KLHL22: variants seen among roughly 807,000 people sequenced by gnomAD.
KLHL22 encodes the protein kelch like family member 22, also known as kelch-like protein 22.
In KLHL22, 18 loss-of-function variants were observed where a neutral mutation model predicts 60.7. The ratio of observed to expected loss-of-function variants is 0.30; its 90% CI spans 0.20 to 0.44. The LOEUF is 0.44. KLHL22 is among the 20% of genes least tolerant of loss of function. KLHL22 has a pLI of 1.00. For synonymous variants in KLHL22, 355 were observed against 354.5 expected (o/e 1.00, Z -0.01); for missense variants, 596 against 852.3 (o/e 0.70, Z 3.74).
At chr22:20,460,650 C>T (rs192682105) in intron 4 of KLHL22, among the ~76,000 whole-genome samples, 2,445 of 111,488 alleles carry the variant, frequency 0.022, 111 homozygotes, top group African/African-American at 0.075. Context: ...AAAAAAAAGA[C>T]ACCAACAGTG....
chr22:20,442,315 T>C lies in KLHL22; in HGVS notation c.1663A>G (p.Asn555Asp). Residue 555 changes from asparagine to aspartate, a missense_variant, in exon 7 of 7, where the codon AAC becomes GAC. Transcript: ENST00000328879. Reference protein sequence around the residue: ...RIYVLGGRSHNRGSRTGYVHI... With the variant: ...RIYVLGGRSHDRGSRTGYVHI... ...ACGTAGCCTGTGCGGCTGCCGCGGTTGTGTGAGCGGCCACCTAACACATAG... is the reference window on the plus strand; with the variant it reads ...ACGTAGCCTGTGCGGCTGCCGCGGTCGTGTGAGCGGCCACCTAACACATAG... 6.2e-7 allele frequency: 1 copy of C among 1,613,922 alleles called. No individual in the cohort carries two copies. The highest frequency in any genetic ancestry group is 8.5e-7 in the Non-Finnish European group (1 of 1,179,994).
At position 20,441,879 on chromosome 22, in the gene KLHL22, G is replaced by A; in HGVS notation, c.*194C>T. 2.2e-6 allele frequency: 1 copy of A among 460,260 alleles called. No homozygotes were observed. The highest frequency in any genetic ancestry group is 3.4e-5 in the East Asian group (1 of 29,020). The allele number at this position is 460,260 out of a possible 1,614,324, so 28.5% of individuals were successfully genotyped here. ...CTGCAGTGACGTAATCCACAGCCTG[G>A]GATCTGCATGGCCCTGAGATGCCTG... On this transcript the variant is annotated 3_prime_UTR_variant, in exon 7 of 7. Coordinates refer to ENST00000328879, the MANE Select transcript of KLHL22 (RefSeq NM_032775.4).
intron 5 of KLHL22, chr22:20,451,657 G>A: frequency 6.2e-7 from 1 of 1,606,104 alleles, no homozygotes. Flanking sequence ...ATGCTATGTA[G>A]GGGCCACAGT....
chr22:20,446,378 C>G (rs944672913), intron 6 of KLHL22, 65 bp downstream of exon 6: 44 of 925,516 alleles, frequency 4.8e-5, no homozygotes, highest in Non-Finnish European at 6.9e-5. Flanking sequence ...ATTACATTTT[C>G]CATCAATAAC....
intron 5 of KLHL22, among the ~76,000 whole-genome samples, chr22:20,447,162 A>C (rs1233102773): frequency 2.0e-5 from 3 of 152,164 alleles, no homozygotes; most frequent in Non-Finnish European, 2.9e-5. Context: ...AGAAAAATAC[A>C]CATGGTTCTT....
At chr22:20,477,416 C>T (rs1364322761) in intron 2 of KLHL22, among the ~76,000 whole-genome samples, 1 of 151,892 alleles carries the variant, frequency 6.6e-6, no homozygotes, top group African/African-American at 2.4e-5. Context: ...AAAAAAAGAC[C>T]AGATGGGGCA....
intron 3 of KLHL22, among the ~76,000 whole-genome samples, chr22:20,469,994 T>G (rs2053288637): frequency 6.6e-6 from 1 of 151,968 alleles, no homozygotes. Context: ...TAAGTCACAC[T>G]GTCAAAGCCT....
intron 5 of KLHL22, chr22:20,451,262 A>C (rs528161360): frequency 6.2e-7 from 1 of 1,604,632 alleles, no homozygotes; most frequent in African/African-American, 1.3e-5. Flanking sequence ...GATTTGATCT[A>C]TGTCTCTGGA....
intron 2 of KLHL22, chr22:20,488,382 G>C (rs5755286): frequency 0.071 from 11,209 of 158,442 alleles, 871 homozygotes; most frequent in East Asian, 0.46. Flanking sequence ...GTATTGATCT[G>C]CTATCTGTGT....
chr22:20,453,647 T>C (rs983227090), intron 5 of KLHL22, among the ~76,000 whole-genome samples: 2 of 152,358 alleles, frequency 1.3e-5, no homozygotes, highest in South Asian at 2.1e-4. Context: ...TGCCTTTATA[T>C]ATACATTTCA....
Position 20,465,756 on chromosome 22 carries a change from T to C in KLHL22, c.394-180A>G. 1 of 606,882 alleles carries C rather than the reference T, an allele frequency of 1.6e-6. No homozygotes were observed. The highest frequency in any genetic ancestry group is 2.7e-5 in the East Asian group (1 of 36,476). The allele number at this position is 606,882 out of a possible 1,614,324, so 37.6% of individuals were successfully genotyped here. A position where few individuals can be genotyped will look rare whatever the true frequency, so the allele number is the denominator to read the frequency against. ...GACTGGGGCTTACTGCAGACTAGGT[T>C]TAAGTCCTGGTTTGGAAACATACTG... On this transcript the variant is annotated intron_variant, in intron 3 of 6. Transcript: ENST00000328879. The surrounding 1 kb of genome is among the most constrained non-coding windows in gnomAD (Gnocchi z 4.9).
chr22:20,489,352 C>A, intron 1 of KLHL22, 108 bp from the exon 2 acceptor site: 1 of 775,212 alleles, frequency 1.3e-6, no homozygotes. Context: ...CTCCCTCAGG[C>A]TCACCTGTTT....
chr22:20,449,217 C>T (rs2052934137), intron 5 of KLHL22, among the ~76,000 whole-genome samples: 1 of 151,802 alleles, frequency 6.6e-6, no homozygotes. Context: ...TCCGCCACCA[C>T]ATCCAGCTAA....
intron 4 of KLHL22, among the ~76,000 whole-genome samples, chr22:20,462,045 C>G (rs1239704948): frequency 6.6e-6 from 1 of 151,986 alleles, no homozygotes; most frequent in Non-Finnish European, 1.5e-5. Context: ...TTGTGGTGAG[C>G]CAAGATTGCA....
At chr22:20,480,900 C>T (rs1373835927) in intron 2 of KLHL22, among the ~76,000 whole-genome samples, 3 of 145,660 alleles carry the variant, frequency 2.1e-5, no homozygotes, top group Non-Finnish European at 3.0e-5. Context: ...GGCGCGATCT[C>T]GGCTCACTGC....
chr22:20,490,510 G>A (rs2053668197), intron 1 of KLHL22, among the ~76,000 whole-genome samples: 1 of 152,182 alleles, frequency 6.6e-6, no homozygotes, highest in African/African-American at 2.4e-5. Flanking sequence ...CCAAATGTGT[G>A]AGGGTTTTTC....
At chr22:20,493,611 C>G (rs961007240) in intron 1 of KLHL22, among the ~76,000 whole-genome samples, 1 of 152,118 alleles carries the variant, frequency 6.6e-6, no homozygotes, top group African/African-American at 2.4e-5. Context: ...GAAACCCCAT[C>G]TCTACTAAAA....
chr22:20,448,377 TG>T (rs2052913704), intron 5 of KLHL22, among the ~76,000 whole-genome samples: 1 of 152,236 alleles, frequency 6.6e-6, no homozygotes. Context: ...AAAACACTTC[TG>T]GTCCCCAGCA....
At position 20,465,528 on chromosome 22, in the gene KLHL22, C is replaced by T; in HGVS notation, c.442G>A (p.Asp148Asn). 6.2e-7 allele frequency: 1 copy of T among 1,606,324 alleles called. No individual in the cohort carries two copies. Among genetic ancestry groups the T allele is most frequent in the Non-Finnish European group, 8.5e-7 (1 of 1,172,862 alleles). The change falls in exon 4 of 7, where the codon GAC becomes AAC. Residue 148 changes from aspartate to asparagine, a missense_variant. Physicochemically the swap from Asp to Asn is conservative, Grantham distance 23. Coordinates refer to ENST00000328879, the MANE Select transcript of KLHL22 (RefSeq NM_032775.4). This position sits in a 1 kb window ranked among gnomAD's most constrained non-coding sequence, Gnocchi z 4.9. ...TAGACATCGAGAATGTTCTCTTCGT[C>T]CACCCAGGACATGAGGAAATCACAG... Reference protein sequence around the residue: ...FCCDFLMSWVDEENILDVYRL... With the variant: ...FCCDFLMSWVNEENILDVYRL...
Sources: gnomAD v4.1 joint callset for allele counts (sites outside exome capture counted in the v4.1 genomes callset) on GRCh38, gnomAD v4.1.1 for gene constraint, Gnocchi (gnomAD v3.1) non-coding constraint, MANE v1.5 for transcripts, NCBI Gene and HGNC (gene_info 2026-07-23, HGNC 2026-07-21) for gene names.